COP1: variants seen among roughly 807,000 people sequenced by gnomAD.
COP1 encodes E3 ubiquitin-protein ligase COP1.
COP1 carries 24 observed loss-of-function variants against 101.3 expected under a neutral mutation model. The ratio of observed to expected loss-of-function variants is 0.24; its 90% CI spans 0.17 to 0.33. The LOEUF is 0.33. COP1 is among the 10% of genes least tolerant of loss of function. The pLI is 1.00. For missense variants in COP1, 663 were observed against 906.2 expected, an observed-to-expected ratio of 0.73 and a Z score of 3.45; for synonymous variants, 347 against 341.9, an observed-to-expected ratio of 1.01 and a Z score of -0.17.
intron 15 of COP1, among the ~76,000 whole-genome samples, chr1:176,003,633 T>A (rs1478800927): frequency 6.6e-6 from 1 of 152,138 alleles, no homozygotes; most frequent in Non-Finnish European, 1.5e-5. Context: ...CTTGTTTTTC[T>A]CAGGTTTGTC....
chr1:176,024,547 G>A (rs989928064), intron 15 of COP1, among the ~76,000 whole-genome samples: 2 of 152,112 alleles, frequency 1.3e-5, no homozygotes, highest in African/African-American at 4.8e-5. Context: ...TAATTGTGAA[G>A]GACTAAACGC....
intron 5 of COP1, among the ~76,000 whole-genome samples, chr1:176,151,911 A>G (rs1210852690): frequency 6.6e-6 from 1 of 151,654 alleles, no homozygotes; most frequent in Non-Finnish European, 1.5e-5. Context: ...TTCACTCTAC[A>G]ACAGTTGTCT....
intron 11 of COP1, among the ~76,000 whole-genome samples, chr1:176,078,816 AT>A (rs1191844858): frequency 2.0e-5 from 3 of 152,036 alleles, no homozygotes; most frequent in Admixed American, 1.3e-4. Context: ...AAACAAAAAA[AT>A]CCAATAAAAA....
Position 176,059,869 on chromosome 1 carries a change from T to C in COP1, c.1278-13545A>G, listed in dbSNP as rs149926508. 2.6e-3 allele frequency among the ~76,000 whole-genome samples: 398 copies of C among 152,314 alleles called. 3 individuals carry two copies. The highest frequency in any genetic ancestry group is 9.1e-3 in the African/African-American group (380 of 41,576). On this transcript the variant is annotated intron_variant, in intron 11 of 19. Coordinates refer to ENST00000367669, the MANE Select transcript of COP1 (RefSeq NM_022457.7). ...AATTTTCACATGTCACAAAGTATTA[T>C]CCTTTGTATTTTTTTTCAACCTTTG...
chr1:176,152,544 G>C (rs569157489), intron 5 of COP1, among the ~76,000 whole-genome samples: 2 of 151,872 alleles, frequency 1.3e-5, no homozygotes, highest in Non-Finnish European at 2.9e-5. Context: ...GCTCCCCAAG[G>C]TGAAGCAATT....
intron 18 of COP1, among the ~76,000 whole-genome samples, chr1:175,981,492 A>G (rs1033089767): frequency 1.3e-5 from 2 of 152,174 alleles, no homozygotes; most frequent in Non-Finnish European, 2.9e-5. Context: ...AATGAAGTTG[A>G]GTATCTCACA....
At chr1:176,144,156 A>T (rs1558196095) in intron 6 of COP1, among the ~76,000 whole-genome samples, 2 of 152,180 alleles carry the variant, frequency 1.3e-5, no homozygotes, top group Non-Finnish European at 2.9e-5. Flanking sequence ...ATCATAAAGA[A>T]TGAAACTAAA....
chr1:176,076,144 T>G (rs143089393), intron 11 of COP1, among the ~76,000 whole-genome samples: 1 of 151,614 alleles, frequency 6.6e-6, no homozygotes, highest in Non-Finnish European at 1.5e-5. Context: ...CACAGAGTAC[T>G]ACACCCAACA....
In COP1 at chr1:176,163,060, C is replaced by T. The variant is rs1029353496; in HGVS notation, c.643-72G>A. 20 of 1,438,800 alleles carry T rather than the reference C, an allele frequency of 1.4e-5. No individual in the cohort carries two copies. In the African/African-American group the frequency reaches 2.4e-4, roughly 18 times the overall value. 89.1% of individuals were successfully genotyped at this position (1,438,800 alleles called of 1,614,324 possible). On this transcript the variant is annotated intron_variant, in intron 4 of 19. Transcript: ENST00000367669. The stretch of plus-strand genomic sequence containing the variant: ...TTTTAGAGACTAAAACAAATGTTTA[C>T]TTGCTACTTCCTAATATGCTCATTA...
intron 3 of COP1, among the ~76,000 whole-genome samples, chr1:176,164,621 T>C (rs927013265): frequency 3.3e-5 from 5 of 152,144 alleles, no homozygotes; most frequent in African/African-American, 1.2e-4. Flanking sequence ...AGAGCCATCT[T>C]GCAACCTCAA....
intron 11 of COP1, among the ~76,000 whole-genome samples, chr1:176,074,234 T>A (rs1013217929): frequency 1.3e-5 from 2 of 152,148 alleles, no homozygotes; most frequent in East Asian, 3.9e-4. Flanking sequence ...GCCTCTTTAT[T>A]CCTCTTTCTG....
In COP1 at chr1:175,961,822, C is replaced by G. The variant is rs139629782; in HGVS notation, c.2134-14583G>C. ...TTCACAGATTAGGTCACAAATGGAA[C>G]AATGGAAGAATAAAACTTGAAATTT... On this transcript the variant is annotated intron_variant, in intron 18 of 19. Transcript: ENST00000367669. 2.7e-3 allele frequency among the ~76,000 whole-genome samples: 397 copies of G among 146,516 alleles called. 3 individuals carry two copies. Among genetic ancestry groups the G allele is most frequent in the African/African-American group, 9.6e-3 (379 of 39,530 alleles).
intron 18 of COP1, among the ~76,000 whole-genome samples, chr1:175,974,280 A>G (rs887771146): frequency 6.6e-6 from 1 of 152,236 alleles, no homozygotes; most frequent in Non-Finnish European, 1.5e-5. Flanking sequence ...CACTGGTTAG[A>G]TACATACATA....
chr1:175,951,339 T>C (rs1227399597), intron 18 of COP1, among the ~76,000 whole-genome samples: 3 of 149,376 alleles, frequency 2.0e-5, no homozygotes, highest in Admixed American at 2.0e-4. Context: ...CAGCAACTGG[T>C]GGATTTATTC....
chr1:176,195,663 T>G (rs1046486200), intron 1 of COP1, among the ~76,000 whole-genome samples: 2 of 152,190 alleles, frequency 1.3e-5, no homozygotes, highest in African/African-American at 4.8e-5. Context: ...CATAGAATGA[T>G]ACCCAGAAAA....
At chr1:176,062,125 C>T (rs985701013) in intron 11 of COP1, among the ~76,000 whole-genome samples, 1 of 152,174 alleles carries the variant, frequency 6.6e-6, no homozygotes, top group East Asian at 1.9e-4. Context: ...CTCAGCCTCC[C>T]GAGTAGCTGG....
At chr1:176,065,011 TAG>T (rs779561261) in intron 11 of COP1, among the ~76,000 whole-genome samples, 37 of 152,282 alleles carry the variant, frequency 2.4e-4, no homozygotes, top group Non-Finnish European at 4.3e-4. Context: ...CTTTATAATT[TAG>T]AGAGACACAA....
intron 18 of COP1, among the ~76,000 whole-genome samples, chr1:175,955,699 T>TA (rs1162799779): frequency 1.3e-5 from 2 of 148,310 alleles, no homozygotes; most frequent in African/African-American, 2.5e-5. Context: ...CAATAAATGA[T>TA]AAGCAAATAG....
chr1:176,130,264 G>T (rs1475551227), intron 8 of COP1, among the ~76,000 whole-genome samples: 1 of 151,648 alleles, frequency 6.6e-6, no homozygotes, highest in Non-Finnish European at 1.5e-5. Context: ...CTCTAGAAGG[G>T]CAGATAGGAT....
Sources: allele counts gnomAD v4.1 joint callset (sites outside exome capture counted in the v4.1 genomes callset), GRCh38; gene constraint gnomAD v4.1.1; transcripts MANE v1.5; gene names NCBI Gene and HGNC (gene_info 2026-07-23, HGNC 2026-07-21).